APELA: variants seen among roughly 807,000 people sequenced by gnomAD.
APELA encodes protein Elabela.
At chr4:164,882,096 T>G (rs1445471819) in intron 2 of APELA, among the ~76,000 whole-genome samples, 1 of 152,112 alleles carries the variant, frequency 6.6e-6, no homozygotes, top group Non-Finnish European at 1.5e-5. Flanking sequence ...ACTAGCTTTT[T>G]TTTTTAATTT....
intron 2 of APELA, among the ~76,000 whole-genome samples, chr4:164,887,902 G>A (rs769839711): frequency 5.3e-5 from 8 of 152,076 alleles, no homozygotes; most frequent in East Asian, 1.9e-4. Context: ...TTGAGCCACC[G>A]TGCCCAGTCT....
intron 2 of APELA, chr4:164,879,243 T>TA: frequency 2.9e-6 from 1 of 345,312 alleles, no homozygotes; most frequent in Non-Finnish European, 5.2e-6. Flanking sequence ...AAAATCTTGA[T>TA]AACTGTTGAA....
chr4:164,877,408 G>A lies in APELA; in HGVS notation c.76+1G>A, dbSNP rs1180022897. On this transcript the variant is annotated splice_donor_variant, in intron 1 of 2. Transcript: ENST00000507152. LOFTEE classifies it high-confidence loss of function. ...CTCCTTATCAGCGGACAGAGACCAGGTAGGCCTTTGATACATTTGTACAAG... is the reference window on the plus strand; with the variant it reads ...CTCCTTATCAGCGGACAGAGACCAGATAGGCCTTTGATACATTTGTACAAG... The A allele has an allele frequency of 2.5e-6, 1 of 398,830 alleles. No individual in the cohort carries two copies. Among genetic ancestry groups the A allele is most frequent in the Non-Finnish European group, 4.4e-6 (1 of 226,032 alleles). The allele number at this position is 398,830 out of a possible 1,614,324, so 24.7% of individuals were successfully genotyped here. A position where few individuals can be genotyped will look rare whatever the true frequency, so the allele number is the denominator to read the frequency against.
intron 2 of APELA, among the ~76,000 whole-genome samples, chr4:164,892,963 T>C (rs1327610076): frequency 6.6e-6 from 1 of 152,152 alleles, no homozygotes; most frequent in Non-Finnish European, 1.5e-5. Flanking sequence ...CCCTCTTTCA[T>C]TTCAGAGTAG....
rs1295790519 is a variant in APELA, at chr4:164,895,908, A to T, written c.*494A>T. ...CCATTTGGCTTCGCACAATAGGGAG[A>T]AAATAATTGGTTCATTGATTATATA... On this transcript the variant is annotated 3_prime_UTR_variant, in exon 3 of 3. Coordinates refer to ENST00000507152, the MANE Select transcript of APELA (RefSeq NM_001297550.2). 2 of 152,202 alleles carry T rather than the reference A, an allele frequency of 1.3e-5. No individual in the cohort carries two copies. The allele number at this position is 152,202 out of a possible 1,614,324, so 9.4% of individuals were successfully genotyped here.
rs1488940476 is a variant in APELA, at chr4:164,896,128, C to CT, written c.*715dup. ...TTTTGTTTTGAAACAGAGTCTCACT[C>CT]TGTTGCCCAAGGTGGAGAGAAGTGG... is the stretch of plus-strand genomic sequence containing the variant. On this transcript the variant is annotated 3_prime_UTR_variant, in exon 3 of 3. Transcript: ENST00000507152. 6.6e-6 allele frequency: 1 copy of CT among 152,186 alleles called. No individual in the cohort carries two copies. Among genetic ancestry groups the CT allele is most frequent in the East Asian group, 1.9e-4 (1 of 5,198 alleles). The allele number at this position is 152,186 out of a possible 1,614,324, so 9.4% of individuals were successfully genotyped here. A position where few individuals can be genotyped will look rare whatever the true frequency, so the allele number is the denominator to read the frequency against.
chr4:164,887,124 G>A (rs976269135), intron 2 of APELA, among the ~76,000 whole-genome samples: 4 of 152,014 alleles, frequency 2.6e-5, no homozygotes, highest in Admixed American at 6.6e-5. Context: ...CACTGCGCCC[G>A]GCCAGTTTTC....
At chr4:164,894,734 G>A (rs1730942521) in intron 2 of APELA, among the ~76,000 whole-genome samples, 1 of 152,094 alleles carries the variant, frequency 6.6e-6, no homozygotes, top group Non-Finnish European at 1.5e-5. Flanking sequence ...ATGAGCTCTT[G>A]CTATGTTTTC....
downstream of APELA, among the ~76,000 whole-genome samples, chr4:164,897,909 G>GA (rs1411923207): frequency 6.6e-6 from 1 of 152,032 alleles, no homozygotes; most frequent in Non-Finnish European, 1.5e-5. Flanking sequence ...ATCTTTCTTG[G>GA]AGATAGAGTC....
At chr4:164,882,572 T>C (rs1278984678) in intron 2 of APELA, among the ~76,000 whole-genome samples, 1 of 151,460 alleles carries the variant, frequency 6.6e-6, no homozygotes, top group East Asian at 1.9e-4. Flanking sequence ...AAAGTGTCTT[T>C]TAATACATTA....
intron 2 of APELA, among the ~76,000 whole-genome samples, chr4:164,883,991 G>A (rs1238084088): frequency 1.4e-5 from 2 of 146,526 alleles, no homozygotes; most frequent in African/African-American, 5.0e-5. Flanking sequence ...ATAAAAAGAA[G>A]AGAGAAAGAA....
At chr4:164,880,691 C>A (rs978561261) in intron 2 of APELA, among the ~76,000 whole-genome samples, 1 of 152,106 alleles carries the variant, frequency 6.6e-6, no homozygotes, top group African/African-American at 2.4e-5. Context: ...AAGAAAGATA[C>A]CTTGCAAAAT....
At chr4:164,883,017 T>G (rs1346022765) in intron 2 of APELA, among the ~76,000 whole-genome samples, 1 of 152,202 alleles carries the variant, frequency 6.6e-6, no homozygotes, top group South Asian at 2.1e-4. Context: ...CACTTGGTAT[T>G]CAAGCTTTGC....
intron 1 of APELA, among the ~76,000 whole-genome samples, chr4:164,878,408 A>C (rs17045724): frequency 0.022 from 3,383 of 152,282 alleles, 110 homozygotes; most frequent in African/African-American, 0.072. Flanking sequence ...GATCACTGTG[A>C]GTTTATTTCG....
At chr4:164,887,800 C>G (rs961109755) in intron 2 of APELA, among the ~76,000 whole-genome samples, 5 of 152,064 alleles carry the variant, frequency 3.3e-5, no homozygotes, top group African/African-American at 9.7e-5. Flanking sequence ...TTAGTAGAGA[C>G]AGGGTTTCAC....
intron 2 of APELA, among the ~76,000 whole-genome samples, chr4:164,892,327 A>C (rs1448483500): frequency 6.6e-6 from 1 of 152,146 alleles, no homozygotes; most frequent in Non-Finnish European, 1.5e-5. Context: ...TCTCAAAAGA[A>C]AAAAACATAC....
intron 2 of APELA, among the ~76,000 whole-genome samples, chr4:164,886,278 C>G (rs767554995): frequency 3.3e-5 from 5 of 152,196 alleles, no homozygotes; most frequent in Admixed American, 1.3e-4. Flanking sequence ...AAATTAATCA[C>G]AGCCCAGTGT....
rs548271670 is a variant in APELA, at chr4:164,897,181, T to C, written c.*1767T>C. The C allele has an allele frequency of 6.6e-6, 1 of 152,304 alleles. No homozygotes were observed. The highest frequency in any genetic ancestry group is 1.5e-5 in the Non-Finnish European group (1 of 68,030). 9.4% of individuals were successfully genotyped at this position (152,304 alleles called of 1,614,324 possible). A position where few individuals can be genotyped will look rare whatever the true frequency, so the allele number is the denominator to read the frequency against. Reference sequence around the variant, plus strand: ...AATGAAAGGTTGGGGTTAATATAAATGTAATTTTAAATAGAAAATCTGACA... The same window carrying C: ...AATGAAAGGTTGGGGTTAATATAAACGTAATTTTAAATAGAAAATCTGACA... On this transcript the variant is annotated 3_prime_UTR_variant, in exon 3 of 3. Coordinates refer to ENST00000507152, the MANE Select transcript of APELA (RefSeq NM_001297550.2).
At chr4:164,877,695 T>A (rs1485957697) in intron 1 of APELA, among the ~76,000 whole-genome samples, 2 of 152,172 alleles carry the variant, frequency 1.3e-5, no homozygotes, top group Non-Finnish European at 2.9e-5. Flanking sequence ...TCTTTACAAG[T>A]AAAATGAAAC....
Sources: allele counts gnomAD v4.1 joint callset (sites outside exome capture counted in the v4.1 genomes callset), GRCh38; gene constraint gnomAD v4.1.1; transcripts MANE v1.5; gene names NCBI Gene and HGNC (gene_info 2026-07-23, HGNC 2026-07-21).